PLPBP: variants seen among roughly 807,000 people sequenced by gnomAD.
PLPBP encodes the protein pyridoxal phosphate homeostasis protein.
A neutral mutation model predicts 31.2 loss-of-function variants in PLPBP; 21 were observed. The ratio of observed to expected loss-of-function variants is 0.67; its 90% CI spans 0.48 to 0.97. The LOEUF (loss-of-function observed/expected upper bound fraction) is 0.97. PLPBP is among the 50% of genes least tolerant of loss of function. The probability of loss-of-function intolerance (pLI) is 0.00; values close to 1 mark genes in which losing one functional copy is unlikely to be tolerated. For synonymous variants in PLPBP, 124 were observed against 135.6 expected (o/e 0.91, Z 0.59); for missense variants, 308 against 354.4 (o/e 0.87, Z 1.05).
At chr8:37,776,574 G>A (rs557536399) in intron 7 of PLPBP, among the ~76,000 whole-genome samples, 111 of 150,256 alleles carry the variant, frequency 7.4e-4, no homozygotes, top group African/African-American at 2.4e-3. Context: ...ATATAATTCC[G>A]TAAGTGTAAT....
In PLPBP at chr8:37,772,835, G is replaced by A; in HGVS notation, c.400G>A (p.Gly134Ser). 1 of 1,614,190 alleles carries A rather than the reference G, an allele frequency of 6.2e-7. No homozygotes were observed. The highest frequency in any genetic ancestry group is 2.2e-5 in the East Asian group (1 of 44,870). The stretch of plus-strand genomic sequence containing the variant: ...AGTGAACAGTTCCTGGCAGAGAAAA[G>A]GTTCTCCTGAAAGGTTAAAGGTTAT... ...DKVNSSWQRKGSPERLKVMVQ... is the reference protein window; with the variant it reads ...DKVNSSWQRKSSPERLKVMVQ... The change falls in exon 5 of 8, where the codon GGT becomes AGT. Residue 134 changes from glycine (G) to serine (S), a missense_variant. This residue lies in a region of PLPBP where 188 missense variants were observed against 259.3 expected (regional missense o/e 0.73). Coordinates refer to ENST00000328195, the MANE Select transcript of PLPBP (RefSeq NM_007198.4).
chr8:37,767,486 T>C (rs1004632276), intron 4 of PLPBP, among the ~76,000 whole-genome samples: 2 of 152,244 alleles, frequency 1.3e-5, no homozygotes, highest in African/African-American at 4.8e-5. Flanking sequence ...TTCAGTGTAG[T>C]GATTCATCAT....
At chr8:37,773,589 C>T (rs1803830422) in intron 5 of PLPBP, among the ~76,000 whole-genome samples, 1 of 152,068 alleles carries the variant, frequency 6.6e-6, no homozygotes, top group Non-Finnish European at 1.5e-5. Flanking sequence ...CTGCCTCAGC[C>T]TCCCGAGTAG....
chr8:37,778,094 A>G lies in PLPBP; in HGVS notation c.818A>G (p.Gln273Arg), dbSNP rs759847387. The change falls in exon 8 of 8, where the codon CAG becomes CGG. Residue 273 changes from glutamine (Q) to arginine (R), a missense_variant. Gln to Arg is a conservative substitution (Grantham distance 43, BLOSUM62 1). Transcript: ENST00000328195. Reference sequence around the variant, plus strand: ...GTGAAGGCCCCGCTGGAGGTGGCACAGGAGCACTGAGCCAGGGAATACTGA... The same window carrying G: ...GTGAAGGCCCCGCTGGAGGTGGCACGGGAGCACTGAGCCAGGGAATACTGA... Reference protein sequence around the residue: ...ADVKAPLEVAQEH With the variant: ...ADVKAPLEVAREH The G allele has an allele frequency of 6.2e-7, 1 of 1,612,910 alleles. No individual in the cohort carries two copies. Among genetic ancestry groups the G allele is most frequent in the Admixed American group, 1.7e-5 (1 of 59,990 alleles).
At chr8:37,762,918 C>A (rs561553894) in intron 1 of PLPBP, among the ~76,000 whole-genome samples, 160 bp downstream of exon 1, 1 of 152,310 alleles carries the variant, frequency 6.6e-6, no homozygotes, top group African/African-American at 2.4e-5. Flanking sequence ...GTTTCCCCAG[C>A]CTCCTTACCT....
intron 4 of PLPBP, among the ~76,000 whole-genome samples, chr8:37,772,255 C>G (rs559832204): frequency 2.0e-5 from 3 of 152,298 alleles, no homozygotes; most frequent in African/African-American, 7.2e-5. Context: ...GTGATCCACC[C>G]ACCTGGTATT....
Position 37,765,637 on chromosome 8 carries a change from A to G in PLPBP, c.207+4A>G. 6.2e-7 allele frequency: 1 copy of G among 1,614,250 alleles called. No homozygotes were observed. Among genetic ancestry groups the G allele is most frequent in the Non-Finnish European group, 8.5e-7 (1 of 1,180,040 alleles). ...GCGCACTTTTGGCGAGAACTACGTA[A>G]GAGCCCTTTCCTGAAGCCCTTTGGA... On this transcript the variant is annotated splice_donor_region_variant and intron_variant, in intron 2 of 7. Transcript: ENST00000328195.
At position 37,772,903 on chromosome 8, in the gene PLPBP, C is replaced by T; in HGVS notation, c.454+14C>T. 2 of 1,613,784 alleles carry T rather than the reference C, an allele frequency of 1.2e-6. No homozygotes were observed. Among genetic ancestry groups the T allele is most frequent in the Middle Eastern group, 3.3e-4 (2 of 6,058 alleles). On this transcript the variant is annotated intron_variant, in intron 5 of 7. Coordinates refer to ENST00000328195, the MANE Select transcript of PLPBP (RefSeq NM_007198.4). ...GCGGAGAAGAGAGTAAGTAACCAGACCTGAATTGTAGATTTTTCTTCCTTT... is the reference window on the plus strand; with the variant it reads ...GCGGAGAAGAGAGTAAGTAACCAGATCTGAATTGTAGATTTTTCTTCCTTT...
At chr8:37,776,045 C>T (rs1424558063) in intron 7 of PLPBP, 29 bp downstream of exon 7, 1 of 1,591,466 alleles carries the variant, frequency 6.3e-7, no homozygotes, top group South Asian at 1.1e-5. Context: ...CCCTGTCTGC[C>T]TCGAGGGGTG....
At chr8:37,766,450 C>A in intron 4 of PLPBP, 95 bp downstream of exon 4, 1 of 1,391,946 alleles carries the variant, frequency 7.2e-7, no homozygotes. Context: ...AGAATAGCCC[C>A]AATTCACCAT....
intron 5 of PLPBP, among the ~76,000 whole-genome samples, chr8:37,774,070 G>A (rs1803842284): frequency 6.6e-6 from 1 of 152,026 alleles, no homozygotes; most frequent in Non-Finnish European, 1.5e-5. Context: ...AATTAGCCAG[G>A]CATGATGGTG....
chr8:37,777,480 A>G (rs562871367), intron 7 of PLPBP, among the ~76,000 whole-genome samples: 1 of 152,276 alleles, frequency 6.6e-6, no homozygotes, highest in South Asian at 2.1e-4. Context: ...TGTTTCCTAT[A>G]TATGCCCTCA....
rs112961431 is a variant in PLPBP, at chr8:37,768,495, C to T, written c.319+2140C>T. 3.4e-3 allele frequency among the ~76,000 whole-genome samples: 347 copies of T among 101,948 alleles called. 4 individuals are homozygous for T. The highest frequency in any genetic ancestry group is 0.023 in the Middle Eastern group (2 of 88). 66.9% of individuals were successfully genotyped at this position (101,948 alleles called of 152,430 possible). A position where few individuals can be genotyped will look rare whatever the true frequency, so the allele number is the denominator to read the frequency against. On this transcript the variant is annotated intron_variant, in intron 4 of 7. Transcript: ENST00000328195. Reference sequence around the variant, plus strand: ...TTTTTTTTTTTTTTTTTTTTTGAGACGGATTCTCACTCTGTTGCCCGGGCT... The same window carrying T: ...TTTTTTTTTTTTTTTTTTTTTGAGATGGATTCTCACTCTGTTGCCCGGGCT...
At position 37,765,693 on chromosome 8, in the gene PLPBP, T is replaced by C. The variant is rs1803607019; in HGVS notation, c.208-18T>C. On this transcript the variant is annotated intron_variant, in intron 2 of 7. Coordinates refer to ENST00000328195, the MANE Select transcript of PLPBP (RefSeq NM_007198.4). ...CATGATTGCCAGGCTTCTGACTTGTTCTGTTTTGACCTTTTAGGTTCAGGA... is the reference window on the plus strand; with the variant it reads ...CATGATTGCCAGGCTTCTGACTTGTCCTGTTTTGACCTTTTAGGTTCAGGA... 2 of 1,614,242 alleles carry C rather than the reference T, an allele frequency of 1.2e-6. No homozygotes were observed. The highest frequency in any genetic ancestry group is 8.5e-7 in the Non-Finnish European group (1 of 1,180,052).
chr8:37,778,040 A>T lies in PLPBP; in HGVS notation c.764A>T (p.Lys255Ile). The part of the protein sequence containing the change: ...TIFGERDYSK[K>I]PTPDKCAADV... ...TTTGGAGAGCGGGATTACTCAAAGA[A>T]ACCCACCCCGGACAAGTGCGCAGCA... Residue 255 changes from lysine to isoleucine, a missense_variant, in exon 8 of 8, where the codon AAA becomes ATA. Lys to Ile is a moderately radical substitution (Grantham distance 102). Around this residue, in one of 2 missense-constraint regions of PLPBP, gnomAD observed 188 missense variants for 259.3 expected, o/e 0.73. Coordinates refer to ENST00000328195, the MANE Select transcript of PLPBP (RefSeq NM_007198.4). 6.2e-7 allele frequency: 1 copy of T among 1,613,918 alleles called. No individual in the cohort carries two copies. Among genetic ancestry groups the T allele is most frequent in the Non-Finnish European group, 8.5e-7 (1 of 1,179,824 alleles).
intron 5 of PLPBP, among the ~76,000 whole-genome samples, chr8:37,774,567 A>G (rs912786313): frequency 6.6e-5 from 10 of 152,232 alleles, no homozygotes; most frequent in Admixed American, 3.9e-4. Context: ...GCAACCATCA[A>G]AGCACCAGTA....
chr8:37,763,284 C>T (rs961144541), intron 1 of PLPBP, among the ~76,000 whole-genome samples: 1 of 152,174 alleles, frequency 6.6e-6, no homozygotes, highest in African/African-American at 2.4e-5. Context: ...GGGAGAAGTC[C>T]AATCCCAAGC....
intron 4 of PLPBP, among the ~76,000 whole-genome samples, chr8:37,770,956 C>A (rs1293651927): frequency 6.6e-6 from 1 of 152,110 alleles, no homozygotes; most frequent in Non-Finnish European, 1.5e-5. Context: ...GAAAACCTAA[C>A]AGAACTGTTG....
At chr8:37,777,941 T>C (rs1283702153) in intron 7 of PLPBP, 32 bp from the exon 8 acceptor site, 4 of 1,594,704 alleles carry the variant, frequency 2.5e-6, no homozygotes, top group Non-Finnish European at 3.4e-6. Flanking sequence ...ATTTTAAACC[T>C]GGTCCTCGAT....
Sources: allele counts gnomAD v4.1 joint callset (sites outside exome capture counted in the v4.1 genomes callset), GRCh38; gene constraint gnomAD v4.1.1; regional missense constraint gnomAD v4.1.1; transcripts MANE v1.5; gene names NCBI Gene and HGNC (gene_info 2026-07-23, HGNC 2026-07-21).